PTPRD: variants seen among roughly 807,000 people sequenced by gnomAD.
PTPRD encodes receptor-type tyrosine-protein phosphatase delta.
A neutral mutation model predicts 214.5 loss-of-function variants in PTPRD; 34 were observed. The ratio of observed to expected loss-of-function variants is 0.16; its 90% CI spans 0.12 to 0.21. PTPRD has a LOEUF of 0.21. Among genes scored for constraint, PTPRD ranks in the 10% least tolerant of loss-of-function variants. The pLI is 1.00. For missense variants in PTPRD, 2,545 were observed against 2,398.7 expected (o/e 1.06, Z -1.27); for synonymous variants, 1,128 against 845.7 (o/e 1.33, Z -5.79).
At chr9:9,475,302 C>A (rs990656957) in intron 8 of PTPRD, among the ~76,000 whole-genome samples, 2 of 152,148 alleles carry the variant, frequency 1.3e-5, no homozygotes, top group Non-Finnish European at 2.9e-5. Context: ...AAAACCAATA[C>A]TAGAATGTCA....
chr9:8,708,449 G>A (rs141699960), intron 12 of PTPRD, among the ~76,000 whole-genome samples: 13,879 of 151,768 alleles, frequency 0.091, 767 homozygotes, highest in South Asian at 0.15. Context: ...CGAGGTGGGC[G>A]GATCACCTAG....
At chr9:8,538,208 C>G (rs1255105447) in intron 14 of PTPRD, among the ~76,000 whole-genome samples, 1 of 151,924 alleles carries the variant, frequency 6.6e-6, no homozygotes, top group East Asian at 1.9e-4. Flanking sequence ...TTACATCCAT[C>G]CAAATGTTTA....
At chr9:9,508,546 A>C (rs368942541) in intron 8 of PTPRD, among the ~76,000 whole-genome samples, 20 of 151,898 alleles carry the variant, frequency 1.3e-4, no homozygotes, top group African/African-American at 4.8e-4. Flanking sequence ...GTTTAAACTT[A>C]ATAATGACAT....
At chr9:8,690,191 T>C (rs1010388333) in intron 12 of PTPRD, among the ~76,000 whole-genome samples, 10 of 152,030 alleles carry the variant, frequency 6.6e-5, no homozygotes, top group African/African-American at 1.4e-4. Flanking sequence ...AAAGGTAGGA[T>C]ATTTTTTCAC....
At chr9:8,770,780 A>G (rs763982996) in intron 11 of PTPRD, among the ~76,000 whole-genome samples, 1 of 151,902 alleles carries the variant, frequency 6.6e-6, no homozygotes, top group South Asian at 2.1e-4. Context: ...AACGTCAAAT[A>G]TTCAAACTCA....
intron 5 of PTPRD, among the ~76,000 whole-genome samples, chr9:9,912,942 T>C (rs997669014): frequency 7.2e-5 from 11 of 152,108 alleles, no homozygotes; most frequent in African/African-American, 2.7e-4. Flanking sequence ...TTTTTTGCTC[T>C]TCCTTCTCTC....
intron 11 of PTPRD, among the ~76,000 whole-genome samples, chr9:8,950,824 C>G (rs1433815898): frequency 6.6e-6 from 1 of 151,816 alleles, no homozygotes; most frequent in Admixed American, 6.6e-5. Flanking sequence ...TAAGCTACTA[C>G]ATGTCAGAGC....
At chr9:9,195,028 G>T (rs1277827661) in intron 9 of PTPRD, among the ~76,000 whole-genome samples, 1 of 149,836 alleles carries the variant, frequency 6.7e-6, no homozygotes, top group East Asian at 2.0e-4. Context: ...ATATATGTGT[G>T]TGTGTGTATA....
chr9:8,713,635 T>C, intron 12 of PTPRD: 3 of 1,532,154 alleles, frequency 2.0e-6, no homozygotes, highest in East Asian at 2.2e-5. Context: ...TGTCACCCAG[T>C]GCTACCGAGA....
rs373051835 is a variant in PTPRD at position 8,327,044 on chromosome 9, G to A, written c.5534+4538C>T. On this transcript the variant is annotated intron_variant, in intron 44 of 45. Coordinates refer to ENST00000381196, the MANE Select transcript of PTPRD (RefSeq NM_002839.4). ...TGTCTCTATCTCCTTCAGTTCTGTA[G>A]TGTTCTTAGTTATTTCTTGTCTTCT... is the stretch of plus-strand genomic sequence containing the variant. 5.7e-5 allele frequency among the ~76,000 whole-genome samples: 8 copies of A among 139,506 alleles called. No homozygotes were observed. The East Asian group carries it at 8.8e-4, about 15-fold the overall frequency. 91.5% of individuals were successfully genotyped at this position (139,506 alleles called of 152,430 possible). A position where few individuals can be genotyped will look rare whatever the true frequency, so the allele number is the denominator to read the frequency against.
rs149975862 is a variant in PTPRD at position 9,426,574 on chromosome 9, G to A, written c.-236-29092C>T. 7.4e-3 allele frequency among the ~76,000 whole-genome samples: 1,123 copies of A among 152,234 alleles called. 11 individuals carry two copies. The highest frequency in any genetic ancestry group is 0.024 in the African/African-American group (1,007 of 41,550). On this transcript the variant is annotated intron_variant, in intron 8 of 45. Coordinates refer to ENST00000381196, the MANE Select transcript of PTPRD (RefSeq NM_002839.4). ...AAGAGTGTAGTGGATCTCCCAGCAC[G>A]GAGTTTGAGATCTGAGAACGGAGAG... is the stretch of plus-strand genomic sequence containing the variant.
intron 5 of PTPRD, among the ~76,000 whole-genome samples, chr9:9,896,518 A>T (rs2075018508): frequency 6.6e-6 from 1 of 152,058 alleles, no homozygotes; most frequent in Non-Finnish European, 1.5e-5. Flanking sequence ...TGGATAGCTA[A>T]ACACATTTTT....
At chr9:8,543,777 G>C (rs1564203014) in intron 14 of PTPRD, among the ~76,000 whole-genome samples, 1 of 151,944 alleles carries the variant, frequency 6.6e-6, no homozygotes, top group Admixed American at 6.6e-5. Flanking sequence ...CAATGGCATG[G>C]TCTAGGCTCA....
rs777715214 is a variant in PTPRD at position 8,518,408 on chromosome 9, G to A, written c.983C>T (p.Thr328Ile). 1 of 1,606,550 alleles carries A rather than the reference G, an allele frequency of 6.2e-7. No homozygotes were observed. Among genetic ancestry groups the A allele is most frequent in the South Asian group, 1.1e-5 (1 of 89,924 alleles). ...TVKALPKPPG[T>I]PVVTESTATS... ...AGCTGTGCTCTCGGTCACTACAGGA[G>A]TTCCTGGAGGTTTGGGTAAGGCTTG... Residue 328 changes from threonine (T) to isoleucine (I), a missense_variant, in exon 21 of 46, where the codon ACT (threonine) becomes ATT (isoleucine). By Grantham distance (89) the Thr-to-Ile change is moderately conservative. Transcript: ENST00000381196.
chr9:10,202,866 T>C (rs992977570), intron 3 of PTPRD, among the ~76,000 whole-genome samples: 1 of 151,728 alleles, frequency 6.6e-6, no homozygotes, highest in Non-Finnish European at 1.5e-5. Context: ...ATGGCCAAAG[T>C]ATTAGGTGCT....
rs553415948 is a variant in PTPRD, at chr9:8,945,428, C to A, written c.-104+73269G>T. Among the ~76,000 whole-genome samples, 5 of 152,092 alleles carry A rather than the reference C, an allele frequency of 3.3e-5. No homozygotes were observed. In the South Asian group the frequency reaches 8.3e-4, roughly 25 times the overall value. On this transcript the variant is annotated intron_variant, in intron 11 of 45. Coordinates refer to ENST00000381196, the MANE Select transcript of PTPRD (RefSeq NM_002839.4). ...TTCCGTTTTTACTCTATTTCAAATT[C>A]TTTTCTTCCTCTTCATTTCTACTGC...
chr9:10,383,171 A>G (rs2097853599), intron 2 of PTPRD, among the ~76,000 whole-genome samples: 1 of 151,854 alleles, frequency 6.6e-6, no homozygotes, highest in African/African-American at 2.4e-5. Flanking sequence ...ACTTACAGGT[A>G]TTGGCTGTTA....
At chr9:8,507,273 C>G (rs2097562243) in intron 22 of PTPRD, 28 bp downstream of exon 22, 7 of 1,602,138 alleles carry the variant, frequency 4.4e-6, no homozygotes, top group Non-Finnish European at 6.0e-6. Context: ...ATGAATAATT[C>G]CCAAGGTGAG....
intron 11 of PTPRD, among the ~76,000 whole-genome samples, chr9:8,804,434 C>CA (rs150929563): frequency 0.11 from 16,774 of 149,866 alleles, 1,176 homozygotes; most frequent in East Asian, 0.35. Flanking sequence ...TCCGTCTCTA[C>CA]AAAAAAAAAT....
Sources: gnomAD v4.1 joint callset for allele counts (sites outside exome capture counted in the v4.1 genomes callset) on GRCh38, gnomAD v4.1.1 for gene constraint, MANE v1.5 for transcripts, NCBI Gene and HGNC (gene_info 2026-07-23, HGNC 2026-07-21) for gene names.